The following HSPG2 variants were observed in gnomAD, a reference collection of about 807,000 sequenced individuals.
The protein encoded by HSPG2 is basement membrane-specific heparan sulfate proteoglycan core protein.
HSPG2 carries 278 observed loss-of-function variants against 526.6 expected under a neutral mutation model. The ratio of observed to expected loss-of-function variants is 0.53; its 90% CI spans 0.48 to 0.58. The LOEUF is 0.58. Ranked by LOEUF, HSPG2 falls within the 20% of genes least tolerant of loss-of-function variation. HSPG2 has a pLI of 0.00. For missense variants in HSPG2, 5,354 were observed against 6,099.5 expected, an observed-to-expected ratio of 0.88 and a Z score of 4.07; for synonymous variants, 2,465 against 2,555.4, an observed-to-expected ratio of 0.96 and a Z score of 1.07.
intron 30 of HSPG2, 109 bp from the exon 31 acceptor site, chr1:21,873,200 C>G: frequency 8.8e-7 from 1 of 1,138,246 alleles, no homozygotes; most frequent in Admixed American, 1.7e-5. Flanking sequence ...GATGTGAGTA[C>G]TCAACACTCT....
chr1:21,859,494 T>G lies in HSPG2; in HGVS notation c.5293+72A>C. 8.5e-7 allele frequency: 1 copy of G among 1,178,988 alleles called. No homozygotes were observed. The highest frequency in any genetic ancestry group is 1.2e-6 in the Non-Finnish European group (1 of 808,316). 73.0% of individuals were successfully genotyped at this position (1,178,988 alleles called of 1,614,324 possible). On this transcript the variant is annotated intron_variant, in intron 42 of 96. Transcript: ENST00000374695. The surrounding 1 kb of genome is among the most constrained non-coding windows in gnomAD (Gnocchi z 5.3). ...CCCCTCCCAGCAGGTGAATGCACCA[T>G]CTGCCTGAATCTGCAGCCTGCAGCC...
At chr1:21,835,309 C>T (rs1337017126) in intron 76 of HSPG2, 12 of 604,166 alleles carry the variant, frequency 2.0e-5, no homozygotes, top group South Asian at 7.6e-5. Context: ...CAATCTTCAT[C>T]GGTTCATCTG....
At chr1:21,908,614 TG>T in intron 1 of HSPG2, 3 of 637,870 alleles carry the variant, frequency 4.7e-6, no homozygotes, top group South Asian at 1.8e-5. Flanking sequence ...ACCTCTGGGC[TG>T]TTAAAAAAAA....
Position 21,854,655 on chromosome 1 carries a change from C to T in HSPG2, c.6244G>A (p.Val2082Ile), listed in dbSNP as rs758858293. Residue 2082 changes from valine (V) to isoleucine (I), a missense_variant, in exon 49 of 97, where the codon GTC becomes ATC. Val to Ile is a conservative substitution (Grantham distance 29). Transcript: ENST00000374695. ...CTACCCCCTCGCCTGTACCAGGTGA[C>T]CTGGGCATGGGCTGACCCTGCCACC... The part of the protein sequence containing the change: ...CVVAGSAHAQ[V>I]TWYRRGGSLP... 1.9e-6 allele frequency: 3 copies of T among 1,598,110 alleles called. No individual in the cohort carries two copies. The highest frequency in any genetic ancestry group is 2.6e-6 in the Non-Finnish European group (3 of 1,172,016).
intron 1 of HSPG2, among the ~76,000 whole-genome samples, chr1:21,899,638 C>T (rs938738879): frequency 3.9e-5 from 6 of 152,216 alleles, no homozygotes; most frequent in African/African-American, 1.4e-4. Flanking sequence ...TATGAGATCA[C>T]TGGGAGTCAC....
Position 21,880,520 on chromosome 1 carries a change from C to T in HSPG2, c.2038G>A (p.Ala680Thr), listed in dbSNP as rs112756708. 246 of 1,613,602 alleles carry T rather than the reference C, an allele frequency of 1.5e-4. No homozygotes were observed. The African/African-American group carries it at 2.2e-3, about 15-fold the overall frequency. ...VHESGRPVQR[A>T]ELLQVLQSLE... ...CTCTGCAGCACCTGCAGCAGCTCCG[C>T]GCGCTGCACCGGCCGGCCAGACTCA... is the stretch of plus-strand genomic sequence containing the variant. The change falls in exon 16 of 97, where the codon GCG (alanine) becomes ACG (threonine). Residue 680 changes from alanine to threonine, a missense_variant. Coordinates refer to ENST00000374695, the MANE Select transcript of HSPG2 (RefSeq NM_005529.7).
Position 21,840,018 on chromosome 1 carries a change from C to A in HSPG2, c.9514-1G>T. The A allele has an allele frequency of 6.2e-7, 1 of 1,614,136 alleles. No individual in the cohort carries two copies. Among genetic ancestry groups the A allele is most frequent in the Non-Finnish European group, 8.5e-7 (1 of 1,180,022 alleles). On this transcript the variant is annotated splice_acceptor_variant, in intron 71 of 96. Transcript: ENST00000374695. LOFTEE classifies it high-confidence loss of function. ...CATCTGATGGTTTAGCTGATGAAAT[C>A]TGGGAGAAAGCAAGGAGGCTGGTTA...
chr1:21,837,571 G>A (rs1418389751), intron 74 of HSPG2, among the ~76,000 whole-genome samples: 1 of 151,886 alleles, frequency 6.6e-6, no homozygotes, highest in Non-Finnish European at 1.5e-5. Flanking sequence ...TTACAGGCGT[G>A]AGCCACCGCG....
Position 21,854,913 on chromosome 1 carries a change from T to A in HSPG2, c.6068A>T (p.Tyr2023Phe), listed in dbSNP as rs779692190. Residue 2023 changes from tyrosine to phenylalanine, a missense_variant, in exon 48 of 97, where the codon TAC (tyrosine) becomes TTC (phenylalanine). By Grantham distance (22) the Tyr-to-Phe change is conservative. Coordinates refer to ENST00000374695, the MANE Select transcript of HSPG2 (RefSeq NM_005529.7). ...PAITTADAGF[Y>F]LCVATSPAGT... The stretch of plus-strand genomic sequence containing the variant: ...TGCAGGGCTGGTGGCCACGCAGAGG[T>A]AGAAGCCGGCGTCAGCAGTCGTGAT... 1 of 1,613,888 alleles carries A rather than the reference T, an allele frequency of 6.2e-7. No homozygotes were observed. The highest frequency in any genetic ancestry group is 8.5e-7 in the Non-Finnish European group (1 of 1,179,974).
At position 21,854,744 on chromosome 1, in the gene HSPG2, G is replaced by A. The variant is rs751874750; in HGVS notation, c.6155C>T (p.Pro2052Leu). The A allele has an allele frequency of 3.1e-5, 50 of 1,613,580 alleles. No homozygotes were observed. Among genetic ancestry groups the A allele is most frequent in the Non-Finnish European group, 3.8e-5 (45 of 1,179,850 alleles). ...AGGCGATGAGGACTCAATCTTGACC[G>A]GCGGTGGGCTGGCATCTGAGGCTGG... ...VLSASDASPP[P>L]VKIESSSPSV... The change falls in exon 49 of 97, where the codon CCG becomes CTG. Residue 2052 changes from proline (P) to leucine (L), a missense_variant. Coordinates refer to ENST00000374695, the MANE Select transcript of HSPG2 (RefSeq NM_005529.7).
intron 67 of HSPG2, 67 bp downstream of exon 67, chr1:21,842,703 G>C (rs1003299413): frequency 2.5e-6 from 4 of 1,599,220 alleles, no homozygotes; most frequent in Admixed American, 1.7e-5. Flanking sequence ...ATGAGGTTTG[G>C]GTACAGAAAG....
At position 21,854,851 on chromosome 1, in the gene HSPG2, A is replaced by G; in HGVS notation, c.6130T>C (p.Ser2044Pro). 6.2e-7 allele frequency: 1 copy of G among 1,613,992 alleles called. No individual in the cohort carries two copies. Among genetic ancestry groups the G allele is most frequent in the Non-Finnish European group, 8.5e-7 (1 of 1,179,968 alleles). The change falls in exon 48 of 97, where the codon TCA becomes CCA. Residue 2044 changes from serine (S) to proline (P), a missense_variant. Physicochemically the swap from Ser to Pro is moderately conservative, Grantham distance 74. Transcript: ENST00000374695. ...TCCATTCCCAGAGAGTCCGTACCTGAAAGGACAACCACTTGGATCCGGGCC... is the reference window on the plus strand; with the variant it reads ...TCCATTCCCAGAGAGTCCGTACCTGGAAGGACAACCACTTGGATCCGGGCC... ...AQARIQVVVL[S>P]ASDASPPPVK...
intron 29 of HSPG2, 119 bp downstream of exon 29, chr1:21,873,806 C>T (rs970681855): frequency 1.1e-5 from 9 of 831,686 alleles, no homozygotes; most frequent in East Asian, 5.4e-5. Context: ...GGGGCCTGTG[C>T]GAGGTTAAGA....
chr1:21,919,912 T>C (rs1643987690), intron 1 of HSPG2, among the ~76,000 whole-genome samples: 1 of 152,310 alleles, frequency 6.6e-6, no homozygotes, highest in Admixed American at 6.5e-5. Flanking sequence ...ACTGGAACTG[T>C]TTTTTCTTTT....
At position 21,864,211 on chromosome 1, in the gene HSPG2, G is replaced by A; in HGVS notation, c.4629C>T (p.Asp1543=). The A allele has an allele frequency of 1.9e-6, 3 of 1,551,294 alleles. No homozygotes were observed. Among genetic ancestry groups the A allele is most frequent in the Non-Finnish European group, 2.6e-6 (3 of 1,147,210 alleles). ...PPGYIGLSCQ[D]CAPGYTRTGS... ...CGGTGCGCGTGTAGCCGGGGGCACA[G>A]TCCTAGGGGCAGAGAGGAAGGTTGG... Residue 1543 remains aspartate, a splice_region_variant and synonymous_variant, in exon 37 of 97, where the codon GAC becomes GAT. Transcript: ENST00000374695. This position sits in a 1 kb window ranked among gnomAD's most constrained non-coding sequence, Gnocchi z 4.8.
At chr1:21,912,911 C>T (rs1643747482) in intron 1 of HSPG2, among the ~76,000 whole-genome samples, 1 of 150,580 alleles carries the variant, frequency 6.6e-6, no homozygotes, top group African/African-American at 2.4e-5. Flanking sequence ...ACCCGGGAGG[C>T]GGAGGTTGCA....
At chr1:21,908,619 A>C in intron 1 of HSPG2, 1 of 554,148 alleles carries the variant, frequency 1.8e-6, no homozygotes, top group Non-Finnish European at 3.2e-6. Flanking sequence ...TGGGCTGTTA[A>C]AAAAAAAAAA....
chr1:21,889,621 T>A (rs563598930), intron 6 of HSPG2, among the ~76,000 whole-genome samples: 55 of 150,876 alleles, frequency 3.6e-4, no homozygotes, highest in African/African-American at 1.3e-3. Context: ...CTGTGAAGAC[T>A]GACCCGGAGG....
intron 71 of HSPG2, 115 bp downstream of exon 71, chr1:21,840,986 C>T: frequency 1.1e-6 from 1 of 903,772 alleles, no homozygotes; most frequent in Non-Finnish European, 1.8e-6. Flanking sequence ...TTCCTCCCTT[C>T]CTCTCTCCAT....
Sources: gnomAD v4.1 joint callset for allele counts (sites outside exome capture counted in the v4.1 genomes callset) on GRCh38, gnomAD v4.1.1 for gene constraint, Gnocchi (gnomAD v3.1) non-coding constraint, MANE v1.5 for transcripts, NCBI Gene and HGNC (gene_info 2026-07-23, HGNC 2026-07-21) for gene names.